Variants in ANGEL1 observed in about 807,000 individuals in gnomAD.
ANGEL1 encodes the protein RNA 2',3'-cyclic phosphatase ANGEL1.
Under a neutral mutation model 76.4 loss-of-function variants are expected in ANGEL1, and 62 were observed. The observed-to-expected ratio is 0.81, with a 90% CI of 0.66 to 1.00. The LOEUF (loss-of-function observed/expected upper bound fraction) is 1.00. Ranked by LOEUF, ANGEL1 falls within the 50% of genes least tolerant of loss-of-function variation. The probability of loss-of-function intolerance (pLI) is 0.00; values close to 1 mark genes in which losing one functional copy is unlikely to be tolerated. For synonymous variants in ANGEL1, 340 were observed against 331.7 expected (o/e 1.03, Z -0.27); for missense variants, 737 against 836.7 (o/e 0.88, Z 1.47).
At position 76,811,680 on chromosome 14, in the gene ANGEL1, G is replaced by A. The variant is rs184501429; in HGVS notation, c.64+1084C>T. Among the ~76,000 whole-genome samples, 292 of 152,220 alleles carry A rather than the reference G, an allele frequency of 1.9e-3. 2 individuals are homozygous for A. Among genetic ancestry groups the A allele is most frequent in the African/African-American group, 6.7e-3 (280 of 41,534 alleles). On this transcript the variant is annotated intron_variant, in intron 1 of 9. Transcript: ENST00000251089. ...GTTCTCTGGAAACAATTACTTCTGT[G>A]GAGTTTCCCACATTCCTCAGAAGTA...
rs539923208 is a variant in ANGEL1 at position 76,787,342 on chromosome 14, A to C, written c.*1886T>G. On this transcript the variant is annotated 3_prime_UTR_variant, in exon 10 of 10. Transcript: ENST00000251089. ...AAACAGAAACAAGAAAGCAAGGAAA[A>C]GATAATCTATCAAGCATCTGCCCTC... is the stretch of plus-strand genomic sequence containing the variant. The C allele has an allele frequency of 5.9e-5, 9 of 152,318 alleles. No individual in the cohort carries two copies. The highest frequency in any genetic ancestry group is 1.0e-4 in the Non-Finnish European group (7 of 68,046). 9.4% of individuals were successfully genotyped at this position (152,318 alleles called of 1,614,324 possible). A position where few individuals can be genotyped will look rare whatever the true frequency, so the allele number is the denominator to read the frequency against.
intron 1 of ANGEL1, chr14:76,810,331 G>T: frequency 2.5e-6 from 1 of 397,976 alleles, no homozygotes; most frequent in African/African-American, 2.1e-5. Context: ...TGAAATGAGA[G>T]GATTGCTTGA....
chr14:76,788,283 G>C lies in ANGEL1; in HGVS notation c.*945C>G, dbSNP rs75066910. On this transcript the variant is annotated 3_prime_UTR_variant, in exon 10 of 10. Coordinates refer to ENST00000251089, the MANE Select transcript of ANGEL1 (RefSeq NM_015305.4). ...TCCTACCCTTGCCCCAGTTCTGCAG[G>C]CTGCAGAGTCCAGTGAAACAAGAGT... is the stretch of plus-strand genomic sequence containing the variant. 1 of 152,430 alleles carries C rather than the reference G, an allele frequency of 6.6e-6. No homozygotes were observed. Among genetic ancestry groups the C allele is most frequent in the East Asian group, 1.9e-4 (1 of 5,184 alleles). The allele number at this position is 152,430 out of a possible 1,614,324, so 9.4% of individuals were successfully genotyped here.
At position 76,790,834 on chromosome 14, in the gene ANGEL1, C is replaced by T. The variant is rs147956156; in HGVS notation, c.1689-60G>A. The T allele has an allele frequency of 4.1e-4, 603 of 1,480,390 alleles. 2 individuals are homozygous for T. The East Asian group carries it at 0.01, about 25-fold the overall frequency. The allele number at this position is 1,480,390 out of a possible 1,614,324, so 91.7% of individuals were successfully genotyped here. ...AAATTACTAAATTTTCCCTAGATCA[C>T]TTTTTCTATGGGTTTTATGAAGATT... On this transcript the variant is annotated intron_variant, in intron 8 of 9. Transcript: ENST00000251089.
At chr14:76,811,265 A>C (rs1174689513) in intron 1 of ANGEL1, among the ~76,000 whole-genome samples, 1 of 152,180 alleles carries the variant, frequency 6.6e-6, no homozygotes, top group African/African-American at 2.4e-5. Flanking sequence ...AAACCTATGT[A>C]TGGGCTGGGT....
chr14:76,798,878 C>T (rs1436734048), intron 7 of ANGEL1, among the ~76,000 whole-genome samples: 1 of 133,304 alleles, frequency 7.5e-6, no homozygotes, highest in Non-Finnish European at 1.5e-5. Flanking sequence ...AACCCGGGGG[C>T]AAAGGCTGCA....
chr14:76,791,774 ACTTT>A (rs1894412638), intron 7 of ANGEL1, among the ~76,000 whole-genome samples: 1 of 152,170 alleles, frequency 6.6e-6, no homozygotes, highest in Non-Finnish European at 1.5e-5. Flanking sequence ...TCCTTCAAAG[ACTTT>A]CTATTACATA....
At chr14:76,797,467 G>A (rs1489061133) in intron 7 of ANGEL1, among the ~76,000 whole-genome samples, 1 of 152,148 alleles carries the variant, frequency 6.6e-6, no homozygotes. Flanking sequence ...GGGTGTGGTG[G>A]CATGCACCTG....
At position 76,807,960 on chromosome 14, in the gene ANGEL1, C is replaced by T. The variant is rs942341290; in HGVS notation, c.838G>A (p.Val280Met). The T allele has an allele frequency of 7.4e-6, 12 of 1,614,008 alleles. No homozygotes were observed. Among genetic ancestry groups the T allele is most frequent in the Admixed American group, 3.3e-5 (2 of 60,010 alleles). ...PDILNWNYRF[V>M]NLMQEFQHWD... ...TGCTGGAATTCCTGCATGAGGTTCA[C>T]GAAGCGATAGTTCCAATTGAGGATG... The change falls in exon 3 of 10, where the codon GTG becomes ATG. Residue 280 changes from valine (V) to methionine (M), a missense_variant. By Grantham distance (21) the Val-to-Met change is conservative (BLOSUM62 1). This residue lies in a region of ANGEL1 where 441 missense variants were observed against 449.5 expected (regional missense o/e 0.98). Coordinates refer to ENST00000251089, the MANE Select transcript of ANGEL1 (RefSeq NM_015305.4).
At position 76,804,447 on chromosome 14, in the gene ANGEL1, A is replaced by G. The variant is rs191117269; in HGVS notation, c.1381-535T>C. On this transcript the variant is annotated intron_variant, in intron 5 of 9. Coordinates refer to ENST00000251089, the MANE Select transcript of ANGEL1 (RefSeq NM_015305.4). ...ACGGACAAAACGTAGTAGGGGAAAC[A>G]TTCGGCAACATCAGTCATCTGCACA... is the stretch of plus-strand genomic sequence containing the variant. The G allele has an allele frequency of 2.7e-3, 2,731 of 993,380 alleles. 6 individuals carry two copies. The highest frequency in any genetic ancestry group is 3.2e-3 in the Non-Finnish European group (2,652 of 835,594). The allele number at this position is 993,380 out of a possible 1,614,324, so 61.5% of individuals were successfully genotyped here.
intron 7 of ANGEL1, among the ~76,000 whole-genome samples, chr14:76,797,964 T>C (rs1205119557): frequency 6.6e-6 from 1 of 152,144 alleles, no homozygotes; most frequent in Non-Finnish European, 1.5e-5. Flanking sequence ...AAGTGGCACC[T>C]TGGGAGGTGA....
chr14:76,800,741 T>C (rs1328218086), intron 7 of ANGEL1, among the ~76,000 whole-genome samples: 3 of 152,126 alleles, frequency 2.0e-5, no homozygotes, highest in Non-Finnish European at 4.4e-5. Flanking sequence ...GAGGATGAGG[T>C]GGGCAGATCT....
At position 76,809,606 on chromosome 14, in the gene ANGEL1, C is replaced by T. The variant is rs144499136; in HGVS notation, c.102G>A (p.Ala34=). The stretch of plus-strand genomic sequence containing the variant: ...CCTCTACCTGGGGGGATGAGCTGTT[C>T]GCCAGAAGGACATTTTTTCGACATG... The part of the protein sequence containing the change: ...FFTCRKNVLL[A]NSSSPQVEGD... The change falls in exon 2 of 10, where the codon GCG becomes GCA. Residue 34 remains alanine (A), a synonymous_variant. Transcript: ENST00000251089. The T allele has an allele frequency of 5.3e-5, 85 of 1,613,334 alleles. No individual in the cohort carries two copies. Among genetic ancestry groups the T allele is most frequent in the Non-Finnish European group, 6.0e-5 (71 of 1,179,706 alleles).
rs1894268133 is a variant in ANGEL1 at position 76,786,581 on chromosome 14, G to C, written c.*2647C>G. ...GAGACTGATTCAGAGGCCTGGTGTGGGTTCTGGGAACCTGTTCAGGTAAGA... is the reference window on the plus strand; with the variant it reads ...GAGACTGATTCAGAGGCCTGGTGTGCGTTCTGGGAACCTGTTCAGGTAAGA... On this transcript the variant is annotated 3_prime_UTR_variant, in exon 10 of 10. Transcript: ENST00000251089. 2 of 152,234 alleles carry C rather than the reference G, an allele frequency of 1.3e-5. No homozygotes were observed. The highest frequency in any genetic ancestry group is 2.9e-5 in the Non-Finnish European group (2 of 68,062). The allele number at this position is 152,234 out of a possible 1,614,324, so 9.4% of individuals were successfully genotyped here. A position where few individuals can be genotyped will look rare whatever the true frequency, so the allele number is the denominator to read the frequency against.
chr14:76,789,119 G>T lies in ANGEL1; in HGVS notation c.*109C>A. ...AAAGGGAACGAGGAGGGGGAAGGGA[G>T]GGGATGTAAGTTTCTTGGATCTAAG... On this transcript the variant is annotated 3_prime_UTR_variant, in exon 10 of 10. Coordinates refer to ENST00000251089, the MANE Select transcript of ANGEL1 (RefSeq NM_015305.4). 1 of 1,372,558 alleles carries T rather than the reference G, an allele frequency of 7.3e-7. No individual in the cohort carries two copies. The highest frequency in any genetic ancestry group is 1.0e-6 in the Non-Finnish European group (1 of 999,690). 85.0% of individuals were successfully genotyped at this position (1,372,558 alleles called of 1,614,324 possible). A position where few individuals can be genotyped will look rare whatever the true frequency, so the allele number is the denominator to read the frequency against.
chr14:76,810,316 G>A, intron 1 of ANGEL1: 4 of 421,162 alleles, frequency 9.5e-6, no homozygotes, highest in Non-Finnish European at 1.4e-5. Flanking sequence ...AGCTACTTGG[G>A]AGGCTGAAAT....
intron 5 of ANGEL1, among the ~76,000 whole-genome samples, chr14:76,805,006 T>C (rs1362201669): frequency 7.1e-6 from 1 of 141,312 alleles, no homozygotes; most frequent in African/African-American, 2.7e-5. Flanking sequence ...CGAGACTCTG[T>C]CTCAAAAAAT....
At position 76,804,748 on chromosome 14, in the gene ANGEL1, G is replaced by A. The variant is rs146366029; in HGVS notation, c.1381-836C>T. ...GGATAGGCCAGGCGCAGTGGCTCAC[G>A]CCTGTAATCCTAGCACTTTGGGAGG... On this transcript the variant is annotated intron_variant, in intron 5 of 9. Transcript: ENST00000251089. Among the ~76,000 whole-genome samples, 230 of 152,284 alleles carry A rather than the reference G, an allele frequency of 1.5e-3. 2 individuals carry two copies. The highest frequency in any genetic ancestry group is 1.7e-3 in the Non-Finnish European group (116 of 68,024).
rs1292400580 is a variant in ANGEL1 at position 76,789,167 on chromosome 14, CCA to C, written c.*59_*60del. On this transcript the variant is annotated 3_prime_UTR_variant, in exon 10 of 10. Coordinates refer to ENST00000251089, the MANE Select transcript of ANGEL1 (RefSeq NM_015305.4). ...AAGTTTCTAGATGCATGGGATTTTT[CCA>C]CAGTCTCTGATCCAGTGAGCTCTTC... The C allele has an allele frequency of 1.3e-6, 2 of 1,574,878 alleles. No individual in the cohort carries two copies. The highest frequency in any genetic ancestry group is 2.3e-5 in the East Asian group (1 of 44,330).
Sources: gnomAD v4.1 joint callset for allele counts (sites outside exome capture counted in the v4.1 genomes callset) on GRCh38, gnomAD v4.1.1 for gene constraint, gnomAD v4.1.1 regional missense constraint, MANE v1.5 for transcripts, NCBI Gene and HGNC (gene_info 2026-07-23, HGNC 2026-07-21) for gene names.